Variants in DHX35 observed in about 807,000 individuals in gnomAD.
DHX35 encodes probable ATP-dependent RNA helicase DHX35.
DHX35 carries 84 observed loss-of-function variants against 99.6 expected under a neutral mutation model. The ratio of observed to expected loss-of-function variants is 0.84; its 90% confidence interval spans 0.71 to 1.01. The LOEUF is 1.01. DHX35 is among the 50% of genes least tolerant of loss of function. The pLI is 0.00. For missense variants in DHX35, 852 were observed against 888.5 expected (o/e 0.96, Z 0.52); for synonymous variants, 331 against 316.2 (o/e 1.05, Z -0.50).
At position 38,992,261 on chromosome 20, in the gene DHX35, A is replaced by T. The variant is rs1176321504; in HGVS notation, c.513-95A>T. The T allele has an allele frequency of 1.2e-5, 12 of 980,196 alleles. No individual in the cohort carries two copies. The Admixed American group carries it at 2.3e-4, about 19-fold the overall frequency. 60.7% of individuals were successfully genotyped at this position (980,196 alleles called of 1,614,324 possible). ...TTTACTTTTGATGCAAAGTGATTGT[A>T]TGAGGACTAAATACCCAGAAGCTCT... On this transcript the variant is annotated intron_variant, in intron 6 of 21. Coordinates refer to ENST00000252011, the MANE Select transcript of DHX35 (RefSeq NM_021931.4).
At chr20:38,991,573 A>G (rs2086338491) in intron 6 of DHX35, 58 bp downstream of exon 6, 2 of 1,501,054 alleles carry the variant, frequency 1.3e-6, no homozygotes, top group Non-Finnish European at 1.8e-6. Flanking sequence ...AGGTAGACGG[A>G]GAAGCAGGTG....
At chr20:39,033,869 A>G (rs1235064965) in intron 20 of DHX35, among the ~76,000 whole-genome samples, 1 of 152,324 alleles carries the variant, frequency 6.6e-6, no homozygotes, top group East Asian at 1.9e-4. Flanking sequence ...GAATCAGGCA[A>G]GTCTTTGCCT....
At chr20:38,991,366 G>C in intron 5 of DHX35, 88 bp from the exon 6 acceptor site, 1 of 1,143,150 alleles carries the variant, frequency 8.7e-7, no homozygotes, top group Non-Finnish European at 1.2e-6. Context: ...ACACATGCTG[G>C]CAAAGAGGTT....
intron 3 of DHX35, among the ~76,000 whole-genome samples, chr20:38,978,763 G>T (rs2086122079): frequency 1.3e-5 from 2 of 152,054 alleles, no homozygotes; most frequent in Admixed American, 1.3e-4. Flanking sequence ...AAAAATCCTT[G>T]CCCAGACCAG....
intron 3 of DHX35, chr20:38,977,657 G>A (rs2086102354): frequency 2.8e-6 from 1 of 360,260 alleles, no homozygotes; most frequent in African/African-American, 2.2e-5. Flanking sequence ...TATCAAACAC[G>A]GTAGGGAAAG....
intron 14 of DHX35, among the ~76,000 whole-genome samples, chr20:39,015,564 G>A (rs1329452322): frequency 6.6e-6 from 1 of 152,118 alleles, no homozygotes; most frequent in Non-Finnish European, 1.5e-5. Flanking sequence ...GGGGAGTACT[G>A]TTTCTTCTGT....
chr20:39,018,652 C>G (rs985656026), intron 14 of DHX35, 152 bp from the exon 15 acceptor site: 1 of 729,992 alleles, frequency 1.4e-6, no homozygotes, highest in Non-Finnish European at 2.3e-6. Flanking sequence ...TAATGGCACT[C>G]TAGTGTCAAA....
At chr20:39,036,754 A>G (rs1284634646) in intron 21 of DHX35, among the ~76,000 whole-genome samples, 2 of 141,540 alleles carry the variant, frequency 1.4e-5, no homozygotes, top group Admixed American at 1.4e-4. Context: ...AAAAAAAAAG[A>G]AATCACCTAA....
At chr20:38,983,878 A>T in intron 4 of DHX35, 102 bp downstream of exon 4, 1 of 940,342 alleles carries the variant, frequency 1.1e-6, no homozygotes, top group Non-Finnish European at 1.6e-6. Flanking sequence ...TTGCTCCTTA[A>T]GAGTTTAGGT....
intron 1 of DHX35, 23 bp from the exon 2 acceptor site, chr20:38,969,058 A>T (rs2085953415): frequency 3.9e-6 from 6 of 1,554,320 alleles, no homozygotes; most frequent in Non-Finnish European, 5.2e-6. Flanking sequence ...AGAGAATCTG[A>T]AAAAAAAACA....
At position 39,021,923 on chromosome 20, in the gene DHX35, G is replaced by A. The variant is rs370703588; in HGVS notation, c.1581G>A (p.Gln527=). 1.1e-5 allele frequency: 18 copies of A among 1,614,016 alleles called. No homozygotes were observed. The highest frequency in any genetic ancestry group is 1.5e-5 in the Non-Finnish European group (18 of 1,180,000). ...ATATCTTTGTGGTCCCCCCAAACCA[G>A]AAGTCTCACGCAGTAAGTCAGCTCT... is the stretch of plus-strand genomic sequence containing the variant. ...IQNIFVVPPN[Q]KSHAIRVHRK... The change falls in exon 16 of 22, where the codon CAG becomes CAA. Residue 527 remains glutamine (Q), a synonymous_variant. Transcript: ENST00000252011.
Position 39,000,547 on chromosome 20 carries a change from G to A in DHX35, c.643-1183G>A, listed in dbSNP as rs184627058. On this transcript the variant is annotated intron_variant, in intron 8 of 21. Coordinates refer to ENST00000252011, the MANE Select transcript of DHX35 (RefSeq NM_021931.4). ...GTTGACATGAGGCACTTTGATGTCTGTGCTTATTCTTCTCAATTTTGAGGT... is the reference window on the plus strand; with the variant it reads ...GTTGACATGAGGCACTTTGATGTCTATGCTTATTCTTCTCAATTTTGAGGT... 2.0e-4 allele frequency among the ~76,000 whole-genome samples: 30 copies of A among 152,270 alleles called. No individual in the cohort carries two copies. In the South Asian group the frequency reaches 3.3e-3, roughly 17 times the overall value.
rs183045885 is a variant in DHX35, at chr20:39,022,446, G to A, written c.1593+511G>A. 4.1e-4 allele frequency among the ~76,000 whole-genome samples: 62 copies of A among 152,244 alleles called. 1 individual carries two copies. In the East Asian group the frequency reaches 0.012, roughly 28 times the overall value. ...GCTGGTATTACAAGCGTGAGCCACCGTGCCCGGCCTATTATCATATTTTAA... is the reference window on the plus strand; with the variant it reads ...GCTGGTATTACAAGCGTGAGCCACCATGCCCGGCCTATTATCATATTTTAA... On this transcript the variant is annotated intron_variant, in intron 16 of 21. Coordinates refer to ENST00000252011, the MANE Select transcript of DHX35 (RefSeq NM_021931.4).
intron 1 of DHX35, among the ~76,000 whole-genome samples, chr20:38,967,157 C>A (rs2085923872): frequency 6.6e-6 from 1 of 152,040 alleles, no homozygotes; most frequent in Non-Finnish European, 1.5e-5. Flanking sequence ...ATTTTATATT[C>A]TGGTAAATTC....
intron 6 of DHX35, 78 bp downstream of exon 6, chr20:38,991,593 C>T: frequency 7.7e-7 from 1 of 1,299,588 alleles, no homozygotes. Flanking sequence ...GTGTTAGTAG[C>T]TGGGATTCAC....
intron 3 of DHX35, among the ~76,000 whole-genome samples, chr20:38,976,620 A>G (rs977292764): frequency 6.6e-6 from 1 of 152,130 alleles, no homozygotes. Flanking sequence ...AATCTCCCTT[A>G]GCTATTTTGA....
chr20:38,967,137 AC>A (rs11086741), intron 1 of DHX35, among the ~76,000 whole-genome samples: 152,270 of 152,290 alleles, frequency 1, 76,125 homozygotes, highest in Middle Eastern at 1. Flanking sequence ...GGGTCTACGG[AC>A]CCCCCCGAAT....
At chr20:38,985,106 G>C (rs1346068493) in intron 4 of DHX35, among the ~76,000 whole-genome samples, 9 of 152,168 alleles carry the variant, frequency 5.9e-5, no homozygotes, top group Admixed American at 5.9e-4. Context: ...TGAGAGATTG[G>C]GTGTGGTGGC....
At chr20:38,968,935 TA>T in intron 1 of DHX35, 145 bp from the exon 2 acceptor site, 1 of 983,230 alleles carries the variant, frequency 1.0e-6, no homozygotes, top group East Asian at 2.7e-5. Context: ...GATTCTTTCC[TA>T]AAGTTAAGGT....
Sources: gnomAD v4.1 joint callset for allele counts (sites outside exome capture counted in the v4.1 genomes callset) on GRCh38, gnomAD v4.1.1 for gene constraint, MANE v1.5 for transcripts, NCBI Gene and HGNC (gene_info 2026-07-23, HGNC 2026-07-21) for gene names.